Variants in NPFFR2 observed in about 807,000 individuals in gnomAD.
The protein encoded by NPFFR2 is neuropeptide FF receptor 2, also known as G-protein coupled receptor 74.
NPFFR2 carries 15 observed loss-of-function variants against 13.1 expected under a neutral mutation model. That is an observed-to-expected ratio of 1.15 (90% CI 0.77 to 1.76). The LOEUF (loss-of-function observed/expected upper bound fraction) is 1.76. Ranked by LOEUF, NPFFR2 falls within the 40% of genes most tolerant of loss-of-function variation. NPFFR2 has a pLI of 0.00. For synonymous variants in NPFFR2, 190 were observed against 175.7 expected (o/e 1.08, Z -0.65); for missense variants, 572 against 503.5 (o/e 1.14, Z -1.30).
chr4:72,074,204 A>G (rs1207238087), intron 1 of NPFFR2, among the ~76,000 whole-genome samples: 1 of 152,086 alleles, frequency 6.6e-6, no homozygotes, highest in Non-Finnish European at 1.5e-5. Context: ...ATGACAATCC[A>G]GGTAAAGATT....
At chr4:72,055,538 A>T (rs530307798) in intron 1 of NPFFR2, among the ~76,000 whole-genome samples, 40 of 152,106 alleles carry the variant, frequency 2.6e-4, no homozygotes, top group African/African-American at 9.1e-4. Flanking sequence ...GCCAATTAAT[A>T]ACCCTACAAT....
chr4:72,066,297 C>T (rs140497057), intron 1 of NPFFR2, among the ~76,000 whole-genome samples: 459 of 152,110 alleles, frequency 3.0e-3, no homozygotes, highest in Non-Finnish European at 5.2e-3. Context: ...CCCTCATGAC[C>T]TAATCACCTC....
intron 1 of NPFFR2, among the ~76,000 whole-genome samples, chr4:72,079,209 A>T (rs1197359716): frequency 6.6e-6 from 1 of 152,062 alleles, no homozygotes; most frequent in Non-Finnish European, 1.5e-5. Context: ...TCTTCATTGT[A>T]TGATTTCTTA....
At chr4:72,123,390 A>G (rs1018463384) in intron 1 of NPFFR2, among the ~76,000 whole-genome samples, 2 of 152,256 alleles carry the variant, frequency 1.3e-5, no homozygotes, top group Non-Finnish European at 2.9e-5. Flanking sequence ...ATAGAAAAAG[A>G]GGGACTCCTC....
At chr4:72,099,487 T>C (rs76235118) in intron 1 of NPFFR2, among the ~76,000 whole-genome samples, 3,667 of 152,232 alleles carry the variant, frequency 0.024, 149 homozygotes, top group African/African-American at 0.084. Context: ...GGCATCTGCT[T>C]GGCTTCCAGG....
At chr4:72,099,742 G>A (rs1721184237) in intron 1 of NPFFR2, among the ~76,000 whole-genome samples, 1 of 152,006 alleles carries the variant, frequency 6.6e-6, no homozygotes, top group Non-Finnish European at 1.5e-5. Context: ...ATATTTCAAA[G>A]GAACATCCAA....
intron 1 of NPFFR2, among the ~76,000 whole-genome samples, chr4:72,116,950 C>G (rs1721730130): frequency 6.6e-6 from 1 of 152,138 alleles, no homozygotes; most frequent in African/African-American, 2.4e-5. Context: ...TACCCCAAAC[C>G]TGCCTGTATC....
At chr4:72,040,267 GA>G (rs1719169750) in intron 1 of NPFFR2, among the ~76,000 whole-genome samples, 1 of 152,056 alleles carries the variant, frequency 6.6e-6, no homozygotes, top group African/African-American at 2.4e-5. Context: ...AGATTTTACT[GA>G]AGGATTTTTA....
intron 2 of NPFFR2, among the ~76,000 whole-genome samples, chr4:72,130,660 G>A (rs28569029): frequency 0.053 from 8,023 of 152,230 alleles, 610 homozygotes; most frequent in African/African-American, 0.17. Flanking sequence ...TTGTGGGAGG[G>A]GGAGCATGCA....
chr4:72,125,416 T>C (rs1722010935), intron 1 of NPFFR2, among the ~76,000 whole-genome samples: 1 of 152,182 alleles, frequency 6.6e-6, no homozygotes, highest in Admixed American at 6.5e-5. Context: ...AGATCTCAGG[T>C]AATACTACAA....
At chr4:72,124,264 G>C (rs1381107338) in intron 1 of NPFFR2, among the ~76,000 whole-genome samples, 3 of 151,388 alleles carry the variant, frequency 2.0e-5, no homozygotes, top group African/African-American at 7.3e-5. Context: ...ACTAAGAGAG[G>C]ACACAAGCAA....
chr4:72,042,928 T>A (rs747993341), intron 1 of NPFFR2, among the ~76,000 whole-genome samples: 1 of 152,180 alleles, frequency 6.6e-6, no homozygotes, highest in South Asian at 2.1e-4. Flanking sequence ...GAAAAATGTC[T>A]CCAGGGCACA....
intron 1 of NPFFR2, among the ~76,000 whole-genome samples, chr4:72,061,514 A>G (rs1047265766): frequency 1.3e-5 from 2 of 152,078 alleles, no homozygotes; most frequent in Admixed American, 1.3e-4. Context: ...AGGGTGCCCA[A>G]TTTCTTTGTG....
At chr4:72,121,472 A>G (rs1721879561) in intron 1 of NPFFR2, among the ~76,000 whole-genome samples, 1 of 152,178 alleles carries the variant, frequency 6.6e-6, no homozygotes. Flanking sequence ...GGTTGAAATG[A>G]AGGAAAAAAT....
At chr4:72,119,100 T>G (rs1056091146) in intron 1 of NPFFR2, among the ~76,000 whole-genome samples, 6 of 152,146 alleles carry the variant, frequency 3.9e-5, no homozygotes, top group Non-Finnish European at 5.9e-5. Context: ...CTAAAAAAAT[T>G]TGAGGATTAA....
At chr4:72,068,344 G>A (rs1413530768) in intron 1 of NPFFR2, among the ~76,000 whole-genome samples, 3 of 152,182 alleles carry the variant, frequency 2.0e-5, no homozygotes, top group African/African-American at 4.8e-5. Flanking sequence ...TCCTAAGATG[G>A]CAGAAGGCAT....
intron 1 of NPFFR2, among the ~76,000 whole-genome samples, chr4:72,112,722 TTG>T (rs1721601663): frequency 6.6e-6 from 1 of 151,874 alleles, no homozygotes; most frequent in South Asian, 2.1e-4. Flanking sequence ...ATGAGTCATG[TTG>T]TGAGTCATAT....
chr4:72,075,793 T>C (rs921299321), intron 1 of NPFFR2, among the ~76,000 whole-genome samples: 8 of 152,102 alleles, frequency 5.3e-5, no homozygotes, highest in Non-Finnish European at 8.8e-5. Flanking sequence ...AGTAATTGTT[T>C]AATGAATATA....
intron 1 of NPFFR2, among the ~76,000 whole-genome samples, chr4:72,094,060 A>AAAGTT (rs78727230): frequency 0.26 from 39,166 of 150,794 alleles, 6,206 homozygotes; most frequent in Admixed American, 0.34. Flanking sequence ...TTCCCTAGGG[A>AAAGTT]TGGGGCTTTC....
Sources: allele counts gnomAD v4.1 joint callset (sites outside exome capture counted in the v4.1 genomes callset), GRCh38; gene constraint gnomAD v4.1.1; transcripts MANE v1.5; gene names NCBI Gene and HGNC (gene_info 2026-07-23, HGNC 2026-07-21).